The following ERC1 variants were observed in gnomAD, a reference collection of about 807,000 sequenced individuals.
ERC1 encodes ELKS/RAB6-interacting/CAST family member 1.
In ERC1, 56 loss-of-function variants were observed where a neutral mutation model predicts 132.0. The observed-to-expected ratio is 0.42, with a 90% CI of 0.34 to 0.53. The LOEUF is 0.53. Ranked by LOEUF, ERC1 falls within the 20% of genes least tolerant of loss-of-function variation. ERC1 has a pLI of 0.03. For missense variants in ERC1, 1,202 were observed against 1,349.9 expected (o/e 0.89, Z 1.72); for synonymous variants, 478 against 476.1 (o/e 1.00, Z -0.05).
chr12:1,328,328 G>C (rs2082606647), intron 15 of ERC1, among the ~76,000 whole-genome samples: 1 of 151,804 alleles, frequency 6.6e-6, no homozygotes, highest in Non-Finnish European at 1.5e-5. Flanking sequence ...TTTTTTGTTA[G>C]AAGTGAAGCC....
rs35596394 is a variant in ERC1 at position 1,483,668 on chromosome 12, C to CTTTTTTTTTTTTTTT, written c.3214-6401_3214-6387dup. 1.8e-4 allele frequency among the ~76,000 whole-genome samples: 10 copies of CTTTTTTTTTTTTTTT among 55,190 alleles called. 1 individual carries two copies. The highest frequency in any genetic ancestry group is 3.1e-4 in the Admixed American group (1 of 3,224). The allele number at this position is 55,190 out of a possible 152,430, so 36.2% of individuals were successfully genotyped here. A position where few individuals can be genotyped will look rare whatever the true frequency, so the allele number is the denominator to read the frequency against. On this transcript the variant is annotated intron_variant, in intron 18 of 18. Transcript: ENST00000360905. ...CAAAACTCCTTCCAGCCACTGAGAG[C>CTTTTTTTTTTTTTTT]TTTTTTTTTTTTTTTTTTTTTTTTT...
chr12:1,050,220 A>G (rs897858379), intron 2 of ERC1, among the ~76,000 whole-genome samples: 2 of 152,174 alleles, frequency 1.3e-5, no homozygotes, highest in African/African-American at 4.8e-5. Context: ...GACTTGGCCA[A>G]AAAAGAAAGG....
chr12:1,113,950 C>T (rs1946162876), intron 6 of ERC1, among the ~76,000 whole-genome samples: 1 of 152,154 alleles, frequency 6.6e-6, no homozygotes, highest in Non-Finnish European at 1.5e-5. Flanking sequence ...ATTTGCTTCC[C>T]CTTTATAATG....
intron 14 of ERC1, among the ~76,000 whole-genome samples, chr12:1,269,351 C>T (rs2077669991): frequency 6.6e-6 from 1 of 152,134 alleles, no homozygotes; most frequent in African/African-American, 2.4e-5. Context: ...TGTCCTGGGC[C>T]TTGAAGGCTA....
At chr12:1,206,297 G>A (rs190759988) in intron 12 of ERC1, among the ~76,000 whole-genome samples, 2 of 152,098 alleles carry the variant, frequency 1.3e-5, no homozygotes, top group Non-Finnish European at 1.5e-5. Flanking sequence ...TTACTGCTTT[G>A]ATACTGGATT....
At chr12:1,105,269 C>T (rs1350578741) in intron 4 of ERC1, among the ~76,000 whole-genome samples, 1 of 152,190 alleles carries the variant, frequency 6.6e-6, no homozygotes, top group Non-Finnish European at 1.5e-5. Flanking sequence ...TAGGGACAGC[C>T]ATCGTATTTC....
chr12:1,255,620 C>CATTTTTTTTTTTTTT (rs1566399407), intron 13 of ERC1, among the ~76,000 whole-genome samples: 1 of 86,436 alleles, frequency 1.2e-5, no homozygotes. Context: ...TGCTTCCTGG[C>CATTTTTTTTTTTTTT]CTTTTTTTTT....
chr12:1,385,675 T>C (rs2089258934), intron 16 of ERC1, among the ~76,000 whole-genome samples: 2 of 152,208 alleles, frequency 1.3e-5, no homozygotes, highest in Non-Finnish European at 2.9e-5. Flanking sequence ...AATTGCTATC[T>C]AGAGCTCTCT....
At chr12:1,074,549 G>C (rs900148057) in intron 2 of ERC1, among the ~76,000 whole-genome samples, 3 of 152,044 alleles carry the variant, frequency 2.0e-5, no homozygotes, top group Admixed American at 2.0e-4. Flanking sequence ...ACCCACTTTG[G>C]CCTCCCAGAG....
At position 1,495,408 on chromosome 12, in the gene ERC1, A is replaced by G. The variant is rs935240897; in HGVS notation, c.*5178A>G. On this transcript the variant is annotated 3_prime_UTR_variant, in exon 19 of 19. Transcript: ENST00000360905. Reference sequence around the variant, plus strand: ...CAGAGAAGCCACTGTCAGGAAAGGAAGTGAACCCTACTGAAGCCAGAGAAT... The same window carrying G: ...CAGAGAAGCCACTGTCAGGAAAGGAGGTGAACCCTACTGAAGCCAGAGAAT... The G allele has an allele frequency of 4.4e-6, 1 of 228,134 alleles. No individual in the cohort carries two copies. The highest frequency in any genetic ancestry group is 8.7e-6 in the Non-Finnish European group (1 of 114,872). 14.1% of individuals were successfully genotyped at this position (228,134 alleles called of 1,614,324 possible).
At chr12:1,238,160 C>CA (rs2075555380) in intron 13 of ERC1, among the ~76,000 whole-genome samples, 1 of 119,644 alleles carries the variant, frequency 8.4e-6, no homozygotes, top group Admixed American at 7.7e-5. Flanking sequence ...TGTTCTTCCT[C>CA]CTTTTTTTTT....
chr12:1,400,023 C>A lies in ERC1; in HGVS notation c.2926-8126C>A, dbSNP rs549154986. 2.0e-5 allele frequency among the ~76,000 whole-genome samples: 3 copies of A among 151,810 alleles called. No individual in the cohort carries two copies. In the East Asian group the frequency reaches 5.8e-4, roughly 29 times the overall value. ...TCCCACCAGCAATATATGACCGTCC[C>A]TACACATTCTCACCAACACTTGTTA... On this transcript the variant is annotated intron_variant, in intron 16 of 18. Coordinates refer to ENST00000360905, the MANE Select transcript of ERC1 (RefSeq NM_178040.4).
In ERC1 at chr12:1,092,293, G is replaced by A. The variant is rs372859401; in HGVS notation, c.1086+8713G>A. 2.4e-4 allele frequency among the ~76,000 whole-genome samples: 37 copies of A among 152,220 alleles called. 1 individual carries two copies. The highest frequency in any genetic ancestry group is 5.3e-4 in the African/African-American group (22 of 41,566). ...ATTATAGGCGTGAGCCACCGCGCCC[G>A]GCCCACATTTAATCAATTCTAAAAG... On this transcript the variant is annotated intron_variant, in intron 3 of 18. Transcript: ENST00000360905.
At chr12:1,222,712 C>G (rs938636950) in intron 12 of ERC1, among the ~76,000 whole-genome samples, 31 of 151,884 alleles carry the variant, frequency 2.0e-4, no homozygotes, top group Non-Finnish European at 3.2e-4. Context: ...TAGAAGCATC[C>G]TATTTTTTCT....
intron 8 of ERC1, among the ~76,000 whole-genome samples, chr12:1,174,872 A>G (rs1003098729): frequency 6.6e-6 from 1 of 152,212 alleles, no homozygotes; most frequent in African/African-American, 2.4e-5. Context: ...AGCTGGTTAA[A>G]CATGTAAACA....
At chr12:1,150,399 A>G (rs61914295) in intron 8 of ERC1, among the ~76,000 whole-genome samples, 15,639 of 152,276 alleles carry the variant, frequency 0.1, 1,155 homozygotes, top group Non-Finnish European at 0.16. Context: ...ATTCAAAGTT[A>G]TTTACAACTC....
chr12:1,033,582 C>G (rs965028516), intron 2 of ERC1, among the ~76,000 whole-genome samples: 2 of 151,904 alleles, frequency 1.3e-5, no homozygotes, highest in African/African-American at 4.8e-5. Flanking sequence ...TTCTGCCTCA[C>G]CCTCCCGAGT....
intron 11 of ERC1, among the ~76,000 whole-genome samples, chr12:1,189,385 G>C (rs553191744): frequency 6.6e-6 from 1 of 152,176 alleles, no homozygotes; most frequent in Non-Finnish European, 1.5e-5. Context: ...AGATGCCCAA[G>C]GCCATGTGAG....
chr12:1,245,382 G>C (rs980673637), intron 13 of ERC1, among the ~76,000 whole-genome samples: 15 of 152,094 alleles, frequency 9.9e-5, no homozygotes, highest in African/African-American at 3.4e-4. Context: ...TTATTCTTTT[G>C]TCACTTCTTT....
Sources: gnomAD v4.1 joint callset for allele counts (sites outside exome capture counted in the v4.1 genomes callset) on GRCh38, gnomAD v4.1.1 for gene constraint, MANE v1.5 for transcripts, NCBI Gene and HGNC (gene_info 2026-07-23, HGNC 2026-07-21) for gene names.